Variants in DENND4C observed in about 807,000 individuals in gnomAD.
The protein encoded by DENND4C is DENN domain containing 4C.
Under a neutral mutation model 203.0 loss-of-function variants are expected in DENND4C, and 108 were observed. The observed-to-expected ratio is 0.53, with a 90% CI of 0.46 to 0.62. DENND4C has a LOEUF of 0.62. Ranked by LOEUF, DENND4C falls within the 20% of genes least tolerant of loss-of-function variation. DENND4C has a pLI of 0.00. For synonymous variants in DENND4C, 871 were observed against 792.4 expected (o/e 1.10, Z -1.67); for missense variants, 2,481 against 2,301.2 (o/e 1.08, Z -1.60).
chr9:19,266,709 A>G (rs927701966), intron 1 of DENND4C, among the ~76,000 whole-genome samples: 7 of 152,214 alleles, frequency 4.6e-5, no homozygotes, highest in Admixed American at 2.6e-4. Flanking sequence ...CAAACCTGAC[A>G]AAAACAAAAA....
rs144509889 is a variant in DENND4C, at chr9:19,251,747, G to A, written c.-18+20914G>A. Among the ~76,000 whole-genome samples the A allele has an allele frequency of 2.7e-3, 406 of 152,278 alleles. 1 individual carries two copies. The highest frequency in any genetic ancestry group is 9.7e-3 in the African/African-American group (402 of 41,550). On this transcript the variant is annotated intron_variant, in intron 1 of 32. Transcript: ENST00000434457. ...ATCTCTAGGACAGGAGCAAAATGCTGCCAGTCTGTTTGCTAAAACGTAACA... is the reference window on the plus strand; with the variant it reads ...ATCTCTAGGACAGGAGCAAAATGCTACCAGTCTGTTTGCTAAAACGTAACA...
intron 1 of DENND4C, among the ~76,000 whole-genome samples, chr9:19,234,802 A>AC (rs1345716021): frequency 6.6e-6 from 1 of 151,794 alleles, no homozygotes; most frequent in Non-Finnish European, 1.5e-5. Flanking sequence ...TCAGCCTCCC[A>AC]AAGTGCTGTG....
chr9:19,340,634 T>C (rs1007158139), intron 20 of DENND4C, among the ~76,000 whole-genome samples: 1 of 152,228 alleles, frequency 6.6e-6, no homozygotes, highest in African/African-American at 2.4e-5. Flanking sequence ...TTTGCCTGCA[T>C]TACTTTTTGC....
rs1829014687 is a variant in DENND4C, at chr9:19,372,534, T to G, written c.*361T>G. 6.0e-6 allele frequency: 1 copy of G among 165,728 alleles called. No homozygotes were observed. Among genetic ancestry groups the G allele is most frequent in the African/African-American group, 2.4e-5 (1 of 41,856 alleles). The allele number at this position is 165,728 out of a possible 1,614,324, so 10.3% of individuals were successfully genotyped here. A position where few individuals can be genotyped will look rare whatever the true frequency, so the allele number is the denominator to read the frequency against. Reference sequence around the variant, plus strand: ...TTACTGAGTTTGAGGAATGGCAAATTAAATTTGCCTAACCCCCAAAACAAA... The same window carrying G: ...TTACTGAGTTTGAGGAATGGCAAATGAAATTTGCCTAACCCCCAAAACAAA... On this transcript the variant is annotated 3_prime_UTR_variant, in exon 33 of 33. Transcript: ENST00000434457.
intron 10 of DENND4C, among the ~76,000 whole-genome samples, chr9:19,308,323 T>G (rs1410032993): frequency 6.6e-6 from 1 of 152,248 alleles, no homozygotes; most frequent in Non-Finnish European, 1.5e-5. Flanking sequence ...CTTTGTTTCA[T>G]ATCTTTGCCA....
intron 1 of DENND4C, among the ~76,000 whole-genome samples, chr9:19,237,299 G>A (rs567966125): frequency 3.3e-5 from 5 of 152,270 alleles, no homozygotes; most frequent in African/African-American, 1.2e-4. Context: ...GATTACAGGC[G>A]TGAGCCACCA....
In DENND4C at chr9:19,271,805, G is replaced by A. The variant is rs141016223; in HGVS notation, c.-17-4353G>A. Among the ~76,000 whole-genome samples the A allele has an allele frequency of 4.4e-3, 661 of 150,882 alleles. 2 individuals are homozygous for A. Among genetic ancestry groups the A allele is most frequent in the African/African-American group, 0.015 (625 of 41,016 alleles). Reference sequence around the variant, plus strand: ...GCTTGAACCTGGGAGGCGAACGAAGGTTGCGTTGAGTTGAGATCGCGCCAT... The same window carrying A: ...GCTTGAACCTGGGAGGCGAACGAAGATTGCGTTGAGTTGAGATCGCGCCAT... On this transcript the variant is annotated intron_variant, in intron 1 of 32. Transcript: ENST00000434457.
intron 6 of DENND4C, among the ~76,000 whole-genome samples, chr9:19,296,908 C>T (rs1013614725): frequency 1.3e-5 from 2 of 152,114 alleles, no homozygotes; most frequent in African/African-American, 4.8e-5. Flanking sequence ...AGAAATTAGT[C>T]GGAATGAGTT....
chr9:19,324,595 A>G (rs1045320833), intron 13 of DENND4C, 88 bp downstream of exon 13: 10 of 1,382,510 alleles, frequency 7.2e-6, no homozygotes, highest in Middle Eastern at 2.5e-4. Context: ...CTAGAGTGAT[A>G]TAAGGAAAAC....
intron 16 of DENND4C, among the ~76,000 whole-genome samples, chr9:19,331,399 C>A (rs1819131890): frequency 6.6e-6 from 1 of 152,002 alleles, no homozygotes; most frequent in Non-Finnish European, 1.5e-5. Context: ...GACTGGGTTT[C>A]ACCATGTTGG....
Position 19,291,188 on chromosome 9 carries a change from A to C in DENND4C, c.801+312A>C, listed in dbSNP as rs549665552. ...AGAAAGAATCGACAGACACAATTAA[A>C]AAGCAGGGTTAGACCCTCAAGACAT... On this transcript the variant is annotated intron_variant, in intron 5 of 32. Coordinates refer to ENST00000434457, the MANE Select transcript of DENND4C (RefSeq NM_001330640.2). 32 of 208,200 alleles carry C rather than the reference A, an allele frequency of 1.5e-4. 1 individual carries two copies. In the East Asian group the frequency reaches 3.4e-3, roughly 22 times the overall value. 12.9% of individuals were successfully genotyped at this position (208,200 alleles called of 1,614,324 possible).
chr9:19,328,249 C>A, intron 16 of DENND4C, 87 bp downstream of exon 16: 2 of 1,256,422 alleles, frequency 1.6e-6, no homozygotes, highest in Non-Finnish European at 2.2e-6. Flanking sequence ...AATGATCACC[C>A]ACAACAACCA....
intron 5 of DENND4C, among the ~76,000 whole-genome samples, chr9:19,294,673 GTA>G (rs955272619): frequency 6.6e-6 from 1 of 151,938 alleles, no homozygotes; most frequent in African/African-American, 2.4e-5. Flanking sequence ...ACAAAATATG[GTA>G]TATATATATG....
chr9:19,259,668 G>C lies in DENND4C; in HGVS notation c.-17-16490G>C, dbSNP rs1828882740. ...TTACAGGCATGTCCCACCACTCCTG[G>C]CTAATTTTGTATTTTTAGTAGAGAC... On this transcript the variant is annotated intron_variant, in intron 1 of 32. Coordinates refer to ENST00000434457, the MANE Select transcript of DENND4C (RefSeq NM_001330640.2). 2.0e-5 allele frequency among the ~76,000 whole-genome samples: 3 copies of C among 151,914 alleles called. No homozygotes were observed. In the South Asian group the frequency reaches 6.2e-4, roughly 32 times the overall value.
chr9:19,323,141 TAAAAG>T (rs751987627), intron 12 of DENND4C, among the ~76,000 whole-genome samples: 16 of 152,122 alleles, frequency 1.1e-4, no homozygotes, highest in Non-Finnish European at 2.4e-4. Context: ...ACCCATCTCT[TAAAAG>T]AAAAGAGGCT....
chr9:19,245,828 C>A lies in DENND4C; in HGVS notation c.-18+14995C>A, dbSNP rs571744945. On this transcript the variant is annotated intron_variant, in intron 1 of 32. Transcript: ENST00000434457. ...CAGAGATCATGCCATTGCACTCCAG[C>A]CTGGACGACAGAGCGAGACTCCGTC... is the stretch of plus-strand genomic sequence containing the variant. 2.7e-5 allele frequency among the ~76,000 whole-genome samples: 4 copies of A among 150,364 alleles called. No individual in the cohort carries two copies. The Admixed American group carries it at 2.7e-4, about 10-fold the overall frequency.
At chr9:19,314,512 A>C (rs552531869) in intron 10 of DENND4C, among the ~76,000 whole-genome samples, 97 of 152,270 alleles carry the variant, frequency 6.4e-4, no homozygotes, top group Admixed American at 6.3e-3. Context: ...AATCACCACT[A>C]AAGAACTAAT....
At chr9:19,314,618 A>G (rs1047637717) in intron 10 of DENND4C, among the ~76,000 whole-genome samples, 1 of 152,230 alleles carries the variant, frequency 6.6e-6, no homozygotes, top group African/African-American at 2.4e-5. Flanking sequence ...GTATGCAAAA[A>G]AAGATTCCAA....
At chr9:19,246,938 T>G (rs1438480633) in intron 1 of DENND4C, among the ~76,000 whole-genome samples, 3 of 152,190 alleles carry the variant, frequency 2.0e-5, no homozygotes, top group African/African-American at 7.2e-5. Flanking sequence ...AAAGAATTGC[T>G]CATTCTCAGT....
Sources: allele counts gnomAD v4.1 joint callset (sites outside exome capture counted in the v4.1 genomes callset), GRCh38; gene constraint gnomAD v4.1.1; transcripts MANE v1.5; gene names NCBI Gene and HGNC (gene_info 2026-07-23, HGNC 2026-07-21).